Variants in NTNG1 observed in about 807,000 individuals in gnomAD.
The protein encoded by NTNG1 is netrin-G1.
A neutral mutation model predicts 54.0 loss-of-function variants in NTNG1; 16 were observed. The ratio of observed to expected loss-of-function variants is 0.30; its 90% CI spans 0.20 to 0.45. NTNG1 has a LOEUF of 0.45. NTNG1 is among the 20% of genes least tolerant of loss of function. The pLI, the probability that NTNG1 is intolerant of heterozygous loss-of-function variation, is 1.00. For synonymous variants in NTNG1, 255 were observed against 263.1 expected (o/e 0.97, Z 0.30); for missense variants, 530 against 678.7 (o/e 0.78, Z 2.43).
At chr1:107,285,265 A>G (rs1416895877) in intron 2 of NTNG1, among the ~76,000 whole-genome samples, 2 of 152,132 alleles carry the variant, frequency 1.3e-5, no homozygotes, top group African/African-American at 4.8e-5. Flanking sequence ...AAGGAGGTGC[A>G]TTTACTCTGT....
rs1252008274 is a variant in NTNG1 at position 107,483,069 on chromosome 1, A to T, written c.*2229A>T. The T allele has an allele frequency of 6.6e-6, 1 of 152,220 alleles. No homozygotes were observed. Among genetic ancestry groups the T allele is most frequent in the Non-Finnish European group, 1.5e-5 (1 of 68,036 alleles). The allele number at this position is 152,220 out of a possible 1,614,324, so 9.4% of individuals were successfully genotyped here. A position where few individuals can be genotyped will look rare whatever the true frequency, so the allele number is the denominator to read the frequency against. ...AGGCTCACCAAAGAAACACATGAAA[A>T]TGCTGATAACATAGGGAGTTTGAGA... On this transcript the variant is annotated 3_prime_UTR_variant, in exon 8 of 8. Transcript: ENST00000370068.
At chr1:107,181,454 A>G (rs1657056954) in intron 2 of NTNG1, among the ~76,000 whole-genome samples, 1 of 129,516 alleles carries the variant, frequency 7.7e-6, no homozygotes, top group South Asian at 2.6e-4. Flanking sequence ...GGCTTTTGTT[A>G]TGCTACTGAA....
chr1:107,339,188 G>T (rs999991971), intron 3 of NTNG1, among the ~76,000 whole-genome samples: 1 of 152,046 alleles, frequency 6.6e-6, no homozygotes, highest in South Asian at 2.1e-4. Context: ...CTCCACTAGG[G>T]GCTCTCAAAT....
At chr1:107,396,438 A>C (rs775537880) in intron 4 of NTNG1, among the ~76,000 whole-genome samples, 6 of 152,208 alleles carry the variant, frequency 3.9e-5, no homozygotes, top group Non-Finnish European at 8.8e-5. Context: ...ATCCTTCAAA[A>C]GGTTTAAAAA....
At chr1:107,306,715 C>T (rs1029518683) in intron 2 of NTNG1, among the ~76,000 whole-genome samples, 1 of 151,056 alleles carries the variant, frequency 6.6e-6, no homozygotes, top group Non-Finnish European at 1.5e-5. Context: ...CACGCCCTTG[C>T]GCTCCAGCCT....
intron 2 of NTNG1, among the ~76,000 whole-genome samples, chr1:107,162,797 T>C (rs1161505968): frequency 2.0e-5 from 3 of 152,184 alleles, no homozygotes; most frequent in African/African-American, 7.2e-5. Flanking sequence ...AAATTTACCG[T>C]CTTCATTACT....
At chr1:107,358,818 A>G (rs886444694) in intron 3 of NTNG1, among the ~76,000 whole-genome samples, 2 of 152,174 alleles carry the variant, frequency 1.3e-5, no homozygotes, top group African/African-American at 2.4e-5. Flanking sequence ...GTGCCCCAGA[A>G]GTAAAAGAGT....
At chr1:107,352,188 A>G (rs1005455804) in intron 3 of NTNG1, among the ~76,000 whole-genome samples, 2 of 152,210 alleles carry the variant, frequency 1.3e-5, no homozygotes, top group Non-Finnish European at 2.9e-5. Flanking sequence ...TCTGGAGTAC[A>G]GTGGCCCTCT....
At chr1:107,261,626 G>A (rs557651695) in intron 2 of NTNG1, among the ~76,000 whole-genome samples, 1 of 152,184 alleles carries the variant, frequency 6.6e-6, no homozygotes, top group East Asian at 1.9e-4. Flanking sequence ...GGCAGATCAC[G>A]AGGCCAGGAG....
chr1:107,234,017 T>C (rs535181185), intron 2 of NTNG1, among the ~76,000 whole-genome samples: 2 of 152,288 alleles, frequency 1.3e-5, no homozygotes, highest in South Asian at 2.1e-4. Flanking sequence ...GCCCTGGAGA[T>C]AGGCTTTTTA....
At chr1:107,425,187 T>TA (rs398103150) in intron 5 of NTNG1, among the ~76,000 whole-genome samples, 17 of 149,624 alleles carry the variant, frequency 1.1e-4, no homozygotes, top group African/African-American at 2.9e-4. Context: ...AAAGTTGAAT[T>TA]AAAAAAAAAA....
At chr1:107,411,577 GTGTT>G (rs552503186) in intron 5 of NTNG1, among the ~76,000 whole-genome samples, 233 of 152,238 alleles carry the variant, frequency 1.5e-3, no homozygotes, top group African/African-American at 5.2e-3. Flanking sequence ...GAGAGCTGCA[GTGTT>G]TGTTTGGGTT....
intron 3 of NTNG1, among the ~76,000 whole-genome samples, chr1:107,386,356 T>G (rs1450570126): frequency 6.6e-6 from 1 of 151,706 alleles, no homozygotes; most frequent in Non-Finnish European, 1.5e-5. Context: ...GTATTTTTAG[T>G]AGAGATGGGG....
intron 1 of NTNG1, among the ~76,000 whole-genome samples, chr1:107,146,924 G>A (rs1367758985): frequency 6.6e-6 from 1 of 151,918 alleles, no homozygotes; most frequent in East Asian, 1.9e-4. Flanking sequence ...TGTTTAATGT[G>A]AATTGAAGGG....
intron 5 of NTNG1, among the ~76,000 whole-genome samples, chr1:107,418,968 G>A (rs1329626420): frequency 2.0e-5 from 3 of 151,936 alleles, no homozygotes; most frequent in African/African-American, 7.2e-5. Context: ...AGTGGCACAG[G>A]CATCCTTTCA....
At chr1:107,418,299 T>C (rs1674347499) in intron 5 of NTNG1, among the ~76,000 whole-genome samples, 1 of 152,074 alleles carries the variant, frequency 6.6e-6, no homozygotes, top group Admixed American at 6.6e-5. Flanking sequence ...GAAGTCCTTA[T>C]TTGTATTTTT....
intron 2 of NTNG1, among the ~76,000 whole-genome samples, chr1:107,215,215 C>G (rs1328719117): frequency 6.6e-6 from 1 of 152,136 alleles, no homozygotes; most frequent in Non-Finnish European, 1.5e-5. Context: ...GAGCCAATGT[C>G]GAGAAGTGTT....
Position 107,245,808 on chromosome 1 carries a change from A to G in NTNG1, c.247-78474A>G, listed in dbSNP as rs1662157890. On this transcript the variant is annotated intron_variant, in intron 2 of 7. Coordinates refer to ENST00000370068, the MANE Select transcript of NTNG1 (RefSeq NM_001113226.3). ...AATTAGGTGTTAATACTAAGTCACT[A>G]TTTTCTCATCTATTAAATGGAAGTA... is the stretch of plus-strand genomic sequence containing the variant. 3.9e-5 allele frequency among the ~76,000 whole-genome samples: 6 copies of G among 152,188 alleles called. No homozygotes were observed. In the South Asian group the frequency reaches 1.2e-3, roughly 32 times the overall value.
chr1:107,377,620 G>C (rs2101019899), intron 3 of NTNG1, among the ~76,000 whole-genome samples: 1 of 152,336 alleles, frequency 6.6e-6, no homozygotes, highest in South Asian at 2.1e-4. Flanking sequence ...TCTCCAGTGA[G>C]AGGATAAGAG....
Sources: gnomAD v4.1 joint callset for allele counts (sites outside exome capture counted in the v4.1 genomes callset) on GRCh38, gnomAD v4.1.1 for gene constraint, MANE v1.5 for transcripts, NCBI Gene and HGNC (gene_info 2026-07-23, HGNC 2026-07-21) for gene names.